The following HEPACAM2 variants were observed in gnomAD, a reference collection of about 807,000 sequenced individuals.
HEPACAM2 encodes mitotic kinetics regulator.
Under a neutral mutation model 49.6 loss-of-function variants are expected in HEPACAM2, and 49 were observed. That is an observed-to-expected ratio of 0.99 (90% CI 0.78 to 1.25). HEPACAM2 has a LOEUF of 1.25. Among genes scored for constraint, HEPACAM2 ranks in the 50% most tolerant of loss-of-function variants. The probability of loss-of-function intolerance (pLI) is 0.00; values close to 1 mark genes in which losing one functional copy is unlikely to be tolerated. For synonymous variants in HEPACAM2, 197 were observed against 202.9 expected, an observed-to-expected ratio of 0.97 and a Z score of 0.25; for missense variants, 525 against 557.2, an observed-to-expected ratio of 0.94 and a Z score of 0.58.
chr7:93,221,320 AT>A (rs1435080509), intron 1 of HEPACAM2, among the ~76,000 whole-genome samples: 14 of 152,012 alleles, frequency 9.2e-5, no homozygotes, highest in Non-Finnish European at 1.5e-5. Context: ...CCACTTTTTC[AT>A]TTTTTTCTAC....
rs1416858921 is a variant in HEPACAM2, at chr7:93,189,070, C to T, written c.*197G>A. ...TTCCCCAACATGTTTTTCTGTTGCA[C>T]AAGACATTGTGTATATGCTGAAAAA... On this transcript the variant is annotated 3_prime_UTR_variant, in exon 10 of 10. Coordinates refer to ENST00000394468, the MANE Select transcript of HEPACAM2 (RefSeq NM_001039372.4). 3 of 498,364 alleles carry T rather than the reference C, an allele frequency of 6.0e-6. No individual in the cohort carries two copies. Among genetic ancestry groups the T allele is most frequent in the African/African-American group, 2.0e-5 (1 of 50,450 alleles). 30.9% of individuals were successfully genotyped at this position (498,364 alleles called of 1,614,324 possible).
chr7:93,223,036 T>G (rs984923700), intron 1 of HEPACAM2, among the ~76,000 whole-genome samples: 1 of 152,212 alleles, frequency 6.6e-6, no homozygotes, highest in African/African-American at 2.4e-5. Context: ...GCTGCATGGC[T>G]GCTAATAGGG....
intron 4 of HEPACAM2, among the ~76,000 whole-genome samples, chr7:93,198,022 T>C (rs1370690279): frequency 6.6e-6 from 1 of 152,068 alleles, no homozygotes; most frequent in Non-Finnish European, 1.5e-5. Context: ...TCTAGGGAGA[T>C]GGTATGTGAT....
intron 9 of HEPACAM2, among the ~76,000 whole-genome samples, chr7:93,190,491 CAGA>C (rs1035465159): frequency 6.6e-6 from 1 of 151,846 alleles, no homozygotes; most frequent in East Asian, 1.9e-4. Context: ...ATTGAGAAGA[CAGA>C]AGAAGAAGGT....
chr7:93,206,103 G>A (rs1286565804), intron 4 of HEPACAM2, among the ~76,000 whole-genome samples: 1 of 152,038 alleles, frequency 6.6e-6, no homozygotes, highest in Non-Finnish European at 1.5e-5. Context: ...AGAAAGTTTA[G>A]GCAGTGGGAA....
Position 93,226,406 on chromosome 7 carries a change from A to C in HEPACAM2, c.41T>G (p.Leu14Arg), listed in dbSNP as rs1331811144. Residue 14 changes from leucine (L) to arginine (R), a missense_variant, in exon 1 of 10, where the codon CTT becomes CGT. Coordinates refer to ENST00000394468, the MANE Select transcript of HEPACAM2 (RefSeq NM_001039372.4). ...GTATATTTTGCACTGAAAGACCCCAAGTGTGTCACCGAAGGGCTCCATGAA... is the reference window on the plus strand; with the variant it reads ...GTATATTTTGCACTGAAAGACCCCACGTGTGTCACCGAAGGGCTCCATGAA... ...DAFMEPFGDT[L>R]GVFQCKIYLL... is the part of the protein sequence containing the mutation. The C allele has an allele frequency of 6.2e-7, 1 of 1,613,576 alleles. No individual in the cohort carries two copies. Among genetic ancestry groups the C allele is most frequent in the Non-Finnish European group, 8.5e-7 (1 of 1,179,676 alleles).
chr7:93,189,184 C>A lies in HEPACAM2; in HGVS notation c.*83G>T. 8.3e-7 allele frequency: 1 copy of A among 1,210,314 alleles called. No individual in the cohort carries two copies. Among genetic ancestry groups the A allele is most frequent in the Admixed American group, 1.8e-5 (1 of 54,152 alleles). The allele number at this position is 1,210,314 out of a possible 1,614,324, so 75.0% of individuals were successfully genotyped here. On this transcript the variant is annotated 3_prime_UTR_variant, in exon 10 of 10. Transcript: ENST00000394468. The stretch of plus-strand genomic sequence containing the variant: ...TTGGTCTTGGTTTCTTCACTGATTC[C>A]AGATTAATATACTTTTCCACTGTTT...
chr7:93,214,227 ATAAG>A (rs1352246771), intron 3 of HEPACAM2, among the ~76,000 whole-genome samples: 5 of 152,148 alleles, frequency 3.3e-5, no homozygotes, highest in Non-Finnish European at 7.4e-5. Flanking sequence ...GCATAAATGA[ATAAG>A]TAAGTGAATG....
At chr7:93,201,213 T>C (rs1793873844) in intron 4 of HEPACAM2, among the ~76,000 whole-genome samples, 1 of 152,124 alleles carries the variant, frequency 6.6e-6, no homozygotes, top group South Asian at 2.1e-4. Context: ...GGTTTATCTG[T>C]TCATCTATTT....
chr7:93,229,623 T>G (rs1431340234), upstream of HEPACAM2, among the ~76,000 whole-genome samples: 1 of 152,228 alleles, frequency 6.6e-6, no homozygotes, highest in Non-Finnish European at 1.5e-5. Flanking sequence ...ACTTAACTCT[T>G]GGCTCTGCAC....
At chr7:93,202,019 CAAAAAAAAAAACCAAAAAA>C (rs1253204009) in intron 4 of HEPACAM2, among the ~76,000 whole-genome samples, 1 of 28,426 alleles carries the variant, frequency 3.5e-5, no homozygotes, top group Non-Finnish European at 8.1e-5. Flanking sequence ...GATAAAAAAG[CAAAAAAAAAAACCAAAAAA>C]AAAAAAAAAA....
intron 9 of HEPACAM2, among the ~76,000 whole-genome samples, chr7:93,189,654 C>T (rs78191052): frequency 0.011 from 1,709 of 151,964 alleles, 32 homozygotes; most frequent in African/African-American, 0.037. Flanking sequence ...AACCAATTTA[C>T]CAGTTTGTTA....
At chr7:93,197,433 T>C in intron 5 of HEPACAM2, 36 bp from the exon 6 acceptor site, 1 of 1,588,972 alleles carries the variant, frequency 6.3e-7, no homozygotes, top group Non-Finnish European at 8.6e-7. Context: ...GTAAGGTTTT[T>C]TTTAGTACAC....
intron 3 of HEPACAM2, among the ~76,000 whole-genome samples, chr7:93,210,300 A>G (rs375416010): frequency 8.3e-4 from 126 of 152,096 alleles, no homozygotes; most frequent in African/African-American, 2.9e-3. Flanking sequence ...AGCAACCACC[A>G]TGAGGTAGAT....
At chr7:93,209,527 G>A (rs1794122895) in intron 3 of HEPACAM2, among the ~76,000 whole-genome samples, 1 of 151,756 alleles carries the variant, frequency 6.6e-6, no homozygotes, top group African/African-American at 2.4e-5. Context: ...TAGAACACAA[G>A]AACTTATTCC....
In HEPACAM2 at chr7:93,208,750, G is replaced by C. The variant is rs1562828313; in HGVS notation, c.842C>G (p.Ser281Cys). ...AGTATTGTCAGTCCTCCTAATCCAG[G>C]AGTAGGTGTTGGGGGGATGAGAATC... ...SADSHPPNTY[S>C]WIRRTDNTTY... Residue 281 changes from serine (S) to cysteine (C), a missense_variant, in exon 4 of 10, where the codon TCC becomes TGC. Coordinates refer to ENST00000394468, the MANE Select transcript of HEPACAM2 (RefSeq NM_001039372.4). The C allele has an allele frequency of 1.9e-6, 3 of 1,613,196 alleles. No individual in the cohort carries two copies. The highest frequency in any genetic ancestry group is 2.5e-6 in the Non-Finnish European group (3 of 1,179,452).
In HEPACAM2 at chr7:93,217,834, ACTCT is replaced by A. The variant is rs575317566; in HGVS notation, c.430+1263_430+1266del. Among the ~76,000 whole-genome samples the A allele has an allele frequency of 9.4e-5, 12 of 127,914 alleles. No homozygotes were observed. In the East Asian group the frequency reaches 2.3e-3, roughly 24 times the overall value. The allele number at this position is 127,914 out of a possible 152,430, so 83.9% of individuals were successfully genotyped here. A position where few individuals can be genotyped will look rare whatever the true frequency, so the allele number is the denominator to read the frequency against. On this transcript the variant is annotated intron_variant, in intron 2 of 9. Transcript: ENST00000394468. ...GAAGCAGAATTGGAGATAGAGAGTGACTCTCTCTCTCTCTCTTTCTATTTTCTCT... is the reference window on the plus strand; with the variant it reads ...GAAGCAGAATTGGAGATAGAGAGTGACTCTCTCTCTCTTTCTATTTTCTCT...
In HEPACAM2 at chr7:93,190,099, G is replaced by T. The variant is rs140397274; in HGVS notation, c.1386-829C>A. 4.0e-3 allele frequency among the ~76,000 whole-genome samples: 605 copies of T among 151,982 alleles called. 14 individuals carry two copies. The highest frequency in any genetic ancestry group is 0.034 in the Admixed American group (522 of 15,230). On this transcript the variant is annotated intron_variant, in intron 9 of 9. Transcript: ENST00000394468. Reference sequence around the variant, plus strand: ...TTTAAAAGATCGAGTCTTATTTAACGTCTTGCTCTAGCGCATAGTAAATGT... The same window carrying T: ...TTTAAAAGATCGAGTCTTATTTAACTTCTTGCTCTAGCGCATAGTAAATGT...
the HEPACAM2 span, among the ~76,000 whole-genome samples, chr7:93,231,900 G>A: frequency 6.6e-6 from 1 of 152,128 alleles, no homozygotes; most frequent in Non-Finnish European, 1.5e-5. Flanking sequence ...GCCAAACCCA[G>A]CGCGCCCGGG....
Sources: gnomAD v4.1 joint callset for allele counts (sites outside exome capture counted in the v4.1 genomes callset) on GRCh38, gnomAD v4.1.1 for gene constraint, MANE v1.5 for transcripts, NCBI Gene and HGNC (gene_info 2026-07-23, HGNC 2026-07-21) for gene names.